DMGDH: variants seen among roughly 807,000 people sequenced by gnomAD.
DMGDH encodes the protein dimethylglycine dehydrogenase, also known as dimethylglycine dehydrogenase, mitochondrial.
Under a neutral mutation model 95.2 loss-of-function variants are expected in DMGDH, and 76 were observed. That is an observed-to-expected ratio of 0.80 (90% CI 0.66 to 0.97). The LOEUF (loss-of-function observed/expected upper bound fraction) is 0.97. Among genes scored for constraint, DMGDH ranks in the 50% least tolerant of loss-of-function variants. The pLI, the probability that DMGDH is intolerant of heterozygous loss-of-function variation, is 0.00. For synonymous variants in DMGDH, 345 were observed against 377.6 expected, an observed-to-expected ratio of 0.91 and a Z score of 1.00; for missense variants, 987 against 1,055.0, an observed-to-expected ratio of 0.94 and a Z score of 0.89.
intron 10 of DMGDH, 180 bp downstream of exon 10, chr5:79,030,647 CAAAAAA>C (rs59687681): frequency 9.4e-4 from 361 of 385,638 alleles, no homozygotes; most frequent in Middle Eastern, 5.3e-3. Context: ...CTCTGTCTCT[CAAAAAA>C]AAAAAAAAAA....
Position 79,006,052 on chromosome 5 carries a change from C to CTT in DMGDH, c.2251-647_2251-646dup, listed in dbSNP as rs35854183. Among the ~76,000 whole-genome samples, 418 of 142,764 alleles carry CTT rather than the reference C, an allele frequency of 2.9e-3. 1 individual carries two copies. Among genetic ancestry groups the CTT allele is most frequent in the East Asian group, 0.012 (58 of 4,948 alleles). 93.7% of individuals were successfully genotyped at this position (142,764 alleles called of 152,430 possible). A position where few individuals can be genotyped will look rare whatever the true frequency, so the allele number is the denominator to read the frequency against. ...ATTCTCTAATACTGTGCTTTTCAAC[C>CTT]TTTTTTTTTTTTTTACTTCTTCCGT... On this transcript the variant is annotated intron_variant, in intron 14 of 15. Transcript: ENST00000255189.
intron 14 of DMGDH, among the ~76,000 whole-genome samples, chr5:79,020,506 T>A (rs549116814): frequency 6.6e-6 from 1 of 152,348 alleles, no homozygotes; most frequent in African/African-American, 2.4e-5. Flanking sequence ...TAATAGCTAA[T>A]ATTTACTGAA....
chr5:79,011,999 T>C (rs1481455490), intron 14 of DMGDH, among the ~76,000 whole-genome samples: 2 of 152,140 alleles, frequency 1.3e-5, no homozygotes. Context: ...TTGAAAACTA[T>C]AATCATGCCT....
At position 79,049,929 on chromosome 5, in the gene DMGDH, T is replaced by C. The variant is rs377090950; in HGVS notation, c.745+1358A>G. On this transcript the variant is annotated intron_variant, in intron 5 of 15. Transcript: ENST00000255189. The stretch of plus-strand genomic sequence containing the variant: ...CACTTAAATATTGAAGACATGACTT[T>C]TTCTCTAGGACCACTAAAAATGCTT... 7.9e-5 allele frequency among the ~76,000 whole-genome samples: 12 copies of C among 152,178 alleles called. No individual in the cohort carries two copies. The East Asian group carries it at 1.7e-3, about 22-fold the overall frequency.
intron 14 of DMGDH, among the ~76,000 whole-genome samples, chr5:79,023,695 C>T (rs1389361338): frequency 6.6e-6 from 1 of 152,154 alleles, no homozygotes; most frequent in African/African-American, 2.4e-5. Context: ...AGTGTCTTAT[C>T]GGTTATGATT....
intron 14 of DMGDH, among the ~76,000 whole-genome samples, chr5:79,005,758 T>C (rs1253708122): frequency 6.6e-6 from 1 of 152,192 alleles, no homozygotes; most frequent in Non-Finnish European, 1.5e-5. Flanking sequence ...CGGTAAGCAA[T>C]GTGCAACTCA....
At chr5:79,035,829 T>C (rs1304856291) in intron 7 of DMGDH, among the ~76,000 whole-genome samples, 1 of 152,198 alleles carries the variant, frequency 6.6e-6, no homozygotes, top group Non-Finnish European at 1.5e-5. Context: ...AAGCTTTACA[T>C]AAAATTCCAT....
chr5:79,020,795 C>T (rs1753845301), intron 14 of DMGDH: 1 of 984,964 alleles, frequency 1.0e-6, no homozygotes, highest in Non-Finnish European at 1.2e-6. Flanking sequence ...GAGGGAGAAA[C>T]ATATTATAGA....
chr5:79,004,616 T>TA (rs1178802197), intron 15 of DMGDH, among the ~76,000 whole-genome samples: 5 of 151,864 alleles, frequency 3.3e-5, no homozygotes, highest in African/African-American at 4.8e-5. Context: ...CAAATAGTAA[T>TA]AAAAAAATGG....
At chr5:79,006,027 A>G (rs1449841705) in intron 14 of DMGDH, among the ~76,000 whole-genome samples, 2 of 149,664 alleles carry the variant, frequency 1.3e-5, no homozygotes, top group Non-Finnish European at 3.0e-5. Flanking sequence ...CAAAGAGTTT[A>G]TTCTCTAATA....
In DMGDH at chr5:79,032,818, C is replaced by CT. The variant is rs1754229088; in HGVS notation, c.1385_1386insA (p.Phe463ValfsTer19). 1 of 1,614,170 alleles carries CT rather than the reference C, an allele frequency of 6.2e-7. No homozygotes were observed. ...CTCGTTGAGTCGGCCTCCCAGCAAA[C>CT]CGTTCTTCTTTAGGATAACCAACTG... On this transcript the variant is annotated frameshift_variant, in exon 9 of 16. Coordinates refer to ENST00000255189, the MANE Select transcript of DMGDH (RefSeq NM_013391.3). LOFTEE classifies it high-confidence loss of function.
intron 2 of DMGDH, among the ~76,000 whole-genome samples, chr5:79,058,531 G>T (rs1408096491): frequency 2.6e-5 from 4 of 152,128 alleles, no homozygotes; most frequent in Admixed American, 1.3e-4. Context: ...AAGGGTAAAT[G>T]ATTGAGTCCT....
intron 14 of DMGDH, among the ~76,000 whole-genome samples, chr5:79,010,849 G>A (rs1753637445): frequency 1.3e-5 from 2 of 152,292 alleles, no homozygotes; most frequent in East Asian, 3.9e-4. Context: ...GGGAAGGGCT[G>A]CAGAGACTGT....
chr5:79,033,548 C>A, intron 7 of DMGDH, 140 bp from the exon 8 acceptor site: 1 of 1,025,904 alleles, frequency 9.7e-7, no homozygotes, highest in Non-Finnish European at 1.5e-6. Flanking sequence ...CTCTATGGAA[C>A]AATTTTTTCC....
chr5:79,059,687 T>C lies in DMGDH; in HGVS notation c.277-3779A>G, dbSNP rs953538447. ...TACCAACATTTCCAAACATCCCTTT[T>C]CAAAATGCTGTTTTCCCAACAGGAC... On this transcript the variant is annotated intron_variant, in intron 2 of 15. Coordinates refer to ENST00000255189, the MANE Select transcript of DMGDH (RefSeq NM_013391.3). 9.8e-5 allele frequency among the ~76,000 whole-genome samples: 15 copies of C among 152,356 alleles called. No homozygotes were observed. In the South Asian group the frequency reaches 1.9e-3, roughly 19 times the overall value.
intron 14 of DMGDH, among the ~76,000 whole-genome samples, chr5:79,018,367 G>C (rs1256470334): frequency 6.6e-6 from 1 of 152,106 alleles, no homozygotes; most frequent in African/African-American, 2.4e-5. Context: ...CAACACAAAT[G>C]ACTCTCAAGT....
chr5:79,018,015 C>T (rs983734560), intron 14 of DMGDH, among the ~76,000 whole-genome samples: 1 of 152,134 alleles, frequency 6.6e-6, no homozygotes, highest in Admixed American at 6.5e-5. Flanking sequence ...TGTAGTATAT[C>T]CATACAATGG....
chr5:79,055,235 G>A (rs976169038), intron 3 of DMGDH, among the ~76,000 whole-genome samples: 1 of 152,230 alleles, frequency 6.6e-6, no homozygotes, highest in Non-Finnish European at 1.5e-5. Flanking sequence ...AGCTGACAAA[G>A]GTCATGTTCC....
chr5:79,001,871 A>T (rs1273750652), intron 15 of DMGDH, among the ~76,000 whole-genome samples: 2 of 152,194 alleles, frequency 1.3e-5, no homozygotes, highest in East Asian at 3.8e-4. Context: ...TTACCTTATT[A>T]CTAAATCTCC....
Sources: gnomAD v4.1 joint callset for allele counts (sites outside exome capture counted in the v4.1 genomes callset) on GRCh38, gnomAD v4.1.1 for gene constraint, MANE v1.5 for transcripts, NCBI Gene and HGNC (gene_info 2026-07-23, HGNC 2026-07-21) for gene names.